The following TBXAS1 variants were observed in gnomAD, a reference collection of about 807,000 sequenced individuals.
TBXAS1 encodes thromboxane A synthase 1, also known as thromboxane-A synthase.
In TBXAS1, 48 loss-of-function variants were observed where a neutral mutation model predicts 60.7. The observed-to-expected ratio is 0.79, with a 90% confidence interval of 0.63 to 1.01. The LOEUF (loss-of-function observed/expected upper bound fraction) is 1.01. Among genes scored for constraint, TBXAS1 ranks in the 50% least tolerant of loss-of-function variants. The pLI is 0.00. For synonymous variants in TBXAS1, 287 were observed against 269.7 expected (o/e 1.06, Z -0.63); for missense variants, 685 against 686.3 (o/e 1.00, Z 0.02).
At chr7:139,884,512 C>T (rs928592730) in intron 3 of TBXAS1, among the ~76,000 whole-genome samples, 2 of 152,156 alleles carry the variant, frequency 1.3e-5, no homozygotes, top group Non-Finnish European at 2.9e-5. Flanking sequence ...TCCCATTTGC[C>T]GGGGTAAGCT....
At chr7:139,820,037 C>CTG (rs1347742731) in intron 4 of TBXAS1, among the ~76,000 whole-genome samples, 1 of 152,018 alleles carries the variant, frequency 6.6e-6, no homozygotes, top group Non-Finnish European at 1.5e-5. Flanking sequence ...CTGTCAAACT[C>CTG]TGGATTCTAA....
chr7:139,875,300 A>C (rs568338020), intron 2 of TBXAS1, among the ~76,000 whole-genome samples: 1 of 152,230 alleles, frequency 6.6e-6, no homozygotes, highest in African/African-American at 2.4e-5. Flanking sequence ...TCAGAGGGCA[A>C]TGTTATAGTT....
At chr7:139,918,123 C>T (rs186876729) in intron 4 of TBXAS1, among the ~76,000 whole-genome samples, 2 of 152,332 alleles carry the variant, frequency 1.3e-5, no homozygotes, top group Admixed American at 1.3e-4. Flanking sequence ...CATTTTCCCT[C>T]TTCTAAGCCA....
intron 5 of TBXAS1, among the ~76,000 whole-genome samples, chr7:139,943,609 T>C (rs1026238573): frequency 6.6e-6 from 1 of 152,200 alleles, no homozygotes; most frequent in African/African-American, 2.4e-5. Context: ...CACCTCCTCA[T>C]TGGGGTGACT....
intron 4 of TBXAS1, among the ~76,000 whole-genome samples, chr7:139,915,644 T>C (rs924691286): frequency 6.6e-6 from 1 of 152,188 alleles, no homozygotes; most frequent in Non-Finnish European, 1.5e-5. Context: ...GCTCTGAAAT[T>C]TGACATGAGC....
intron 9 of TBXAS1, among the ~76,000 whole-genome samples, chr7:139,994,148 TCTC>T (rs1569523593): frequency 1.3e-5 from 2 of 152,214 alleles, no homozygotes; most frequent in Non-Finnish European, 2.9e-5. Flanking sequence ...TTCAGGTGGT[TCTC>T]CTGCCTCAGC....
chr7:139,962,285 T>G, intron 9 of TBXAS1, 52 bp downstream of exon 9: 2 of 1,606,656 alleles, frequency 1.2e-6, no homozygotes, highest in Middle Eastern at 3.3e-4. Flanking sequence ...GGACAATTGA[T>G]TTTGTGTTTG....
At chr7:140,008,516 T>C (rs2008810) in intron 10 of TBXAS1, among the ~76,000 whole-genome samples, 42,705 of 150,068 alleles carry the variant, frequency 0.28, 6,557 homozygotes, top group East Asian at 0.63. Flanking sequence ...GGTGTGATCT[T>C]GGCTCACTGA....
chr7:139,786,100 C>T (rs542265811), intron 3 of TBXAS1, among the ~76,000 whole-genome samples: 3 of 149,392 alleles, frequency 2.0e-5, no homozygotes, highest in South Asian at 2.2e-4. Flanking sequence ...CTCGCCTTTC[C>T]CTCTATGGGA....
intron 4 of TBXAS1, among the ~76,000 whole-genome samples, chr7:139,794,660 C>A (rs1797497843): frequency 9.0e-6 from 1 of 111,372 alleles, no homozygotes; most frequent in Non-Finnish European, 1.8e-5. Flanking sequence ...GCTATCCCTC[C>A]CCCCTCCCCC....
intron 4 of TBXAS1, among the ~76,000 whole-genome samples, chr7:139,922,821 AT>A (rs573871622): frequency 6.6e-6 from 1 of 151,960 alleles, no homozygotes; most frequent in Non-Finnish European, 1.5e-5. Flanking sequence ...ATCAAAGCTG[AT>A]TTTTTTTCTC....
chr7:139,915,926 G>T (rs907409913), intron 4 of TBXAS1, among the ~76,000 whole-genome samples: 4 of 152,110 alleles, frequency 2.6e-5, no homozygotes, highest in African/African-American at 9.7e-5. Flanking sequence ...CATTTTCCAC[G>T]TGGACCTTGT....
At chr7:139,825,080 C>T (rs552223517), upstream of TBXAS1, among the ~76,000 whole-genome samples, 3 of 152,034 alleles carry the variant, frequency 2.0e-5, no homozygotes, top group Admixed American at 6.6e-5. Context: ...CCACCTGCCT[C>T]GGCCTCCCAA....
intron 9 of TBXAS1, among the ~76,000 whole-genome samples, chr7:139,971,396 G>A (rs1811182577): frequency 6.6e-6 from 1 of 151,282 alleles, no homozygotes; most frequent in African/African-American, 2.4e-5. Flanking sequence ...CAGTGGACAA[G>A]TCACAAGTTC....
At chr7:139,790,028 G>A (rs958700231) in intron 4 of TBXAS1, among the ~76,000 whole-genome samples, 4 of 152,202 alleles carry the variant, frequency 2.6e-5, no homozygotes, top group Admixed American at 6.5e-5. Context: ...TGGAATCGGA[G>A]CAACATCATT....
chr7:139,929,642 T>G (rs1007607295), intron 4 of TBXAS1, among the ~76,000 whole-genome samples: 2 of 152,248 alleles, frequency 1.3e-5, no homozygotes, highest in South Asian at 4.1e-4. Context: ...ATGTATTAAC[T>G]GCATTCATCA....
intron 4 of TBXAS1, among the ~76,000 whole-genome samples, chr7:139,822,515 G>A (rs1412424071): frequency 6.6e-6 from 1 of 151,962 alleles, no homozygotes; most frequent in South Asian, 2.1e-4. Flanking sequence ...TACAGATCTG[G>A]CCATCTCCCG....
intron 4 of TBXAS1, among the ~76,000 whole-genome samples, chr7:139,818,259 G>T (rs1340638782): frequency 6.6e-6 from 1 of 152,190 alleles, no homozygotes; most frequent in Admixed American, 6.5e-5. Flanking sequence ...TTAGGAGAGG[G>T]TGAAGGTATA....
At chr7:139,944,403 C>T (rs1808533350) in intron 5 of TBXAS1, among the ~76,000 whole-genome samples, 1 of 152,204 alleles carries the variant, frequency 6.6e-6, no homozygotes, top group Non-Finnish European at 1.5e-5. Flanking sequence ...GAGGCACGTA[C>T]AGTTCACTGT....
Sources: gnomAD v4.1 joint callset for allele counts (sites outside exome capture counted in the v4.1 genomes callset) on GRCh38, gnomAD v4.1.1 for gene constraint, MANE v1.5 for transcripts, NCBI Gene and HGNC (gene_info 2026-07-23, HGNC 2026-07-21) for gene names.